Variants in LRP1B observed in about 807,000 individuals in gnomAD.
LRP1B encodes LDL receptor related protein 1B.
In LRP1B, 217 loss-of-function variants were observed where a neutral mutation model predicts 556.6. The ratio of observed to expected loss-of-function variants is 0.39; its 90% CI spans 0.35 to 0.44. The LOEUF (loss-of-function observed/expected upper bound fraction) is 0.44. Ranked by LOEUF, LRP1B falls within the 20% of genes least tolerant of loss-of-function variation. The pLI is 1.00. For synonymous variants in LRP1B, 2,047 were observed against 1,865.8 expected, an observed-to-expected ratio of 1.10 and a Z score of -2.50; for missense variants, 5,053 against 5,620.8, an observed-to-expected ratio of 0.90 and a Z score of 3.23.
intron 11 of LRP1B, among the ~76,000 whole-genome samples, chr2:141,047,081 AT>A (rs1223501125): frequency 3.3e-5 from 5 of 150,700 alleles, no homozygotes; most frequent in Non-Finnish European, 5.9e-5. Flanking sequence ...AATAATAATA[AT>A]AATAAATGCA....
intron 20 of LRP1B, among the ~76,000 whole-genome samples, chr2:140,942,916 G>C (rs987475269): frequency 6.6e-6 from 1 of 151,996 alleles, no homozygotes; most frequent in Admixed American, 6.6e-5. Flanking sequence ...ATGATAGAAC[G>C]AAAATCTCTT....
chr2:141,055,402 CG>C, intron 9 of LRP1B, 143 bp from the exon 10 acceptor site: 1 of 711,454 alleles, frequency 1.4e-6, no homozygotes, highest in East Asian at 2.9e-5. Context: ...GCACCATAAT[CG>C]AATGCAAAAG....
intron 2 of LRP1B, among the ~76,000 whole-genome samples, chr2:141,565,379 C>G (rs1198586822): frequency 6.6e-6 from 1 of 152,098 alleles, no homozygotes; most frequent in Non-Finnish European, 1.5e-5. Context: ...GTCCTTTCAT[C>G]TGAAGCCTAA....
intron 3 of LRP1B, 63 bp downstream of exon 3, chr2:141,480,333 T>C (rs774326825): frequency 3.8e-6 from 6 of 1,576,614 alleles, no homozygotes; most frequent in Non-Finnish European, 4.3e-6. Flanking sequence ...TAGGTTTTCT[T>C]TGAACTTTCA....
intron 1 of LRP1B, among the ~76,000 whole-genome samples, chr2:141,900,787 A>G (rs1025391555): frequency 6.6e-6 from 1 of 152,070 alleles, no homozygotes. Context: ...AATTGCATTA[A>G]CGTGTACATT....
chr2:141,033,325 G>A (rs763484124), intron 11 of LRP1B, among the ~76,000 whole-genome samples: 4 of 151,936 alleles, frequency 2.6e-5, no homozygotes, highest in East Asian at 1.9e-4. Context: ...CGTGGTGAGC[G>A]CTAAGAACTT....
chr2:140,302,228 T>C (rs1683862647), intron 83 of LRP1B, among the ~76,000 whole-genome samples: 1 of 152,164 alleles, frequency 6.6e-6, no homozygotes, highest in Admixed American at 6.6e-5. Context: ...AATATTTATC[T>C]TTCTGTCTAA....
intron 11 of LRP1B, among the ~76,000 whole-genome samples, chr2:141,034,906 A>C (rs1698485842): frequency 6.6e-6 from 1 of 152,016 alleles, no homozygotes; most frequent in Admixed American, 6.6e-5. Flanking sequence ...ACACATGCAC[A>C]TGTATGTTTA....
intron 1 of LRP1B, among the ~76,000 whole-genome samples, chr2:141,845,542 TA>T: frequency 6.6e-6 from 1 of 151,878 alleles, no homozygotes; most frequent in Non-Finnish European, 1.5e-5. Flanking sequence ...GACAGAAGTT[TA>T]GGGGGACTGC....
intron 3 of LRP1B, among the ~76,000 whole-genome samples, chr2:141,360,202 T>C (rs949565285): frequency 2.0e-5 from 3 of 152,198 alleles, no homozygotes; most frequent in African/African-American, 7.2e-5. Flanking sequence ...TCATCTCTGA[T>C]GTGGAAAAGC....
intron 2 of LRP1B, among the ~76,000 whole-genome samples, chr2:141,789,231 G>A (rs903334355): frequency 4.6e-5 from 7 of 151,712 alleles, no homozygotes; most frequent in African/African-American, 1.7e-4. Flanking sequence ...ATAGGAGGGG[G>A]GTGTCCAGTT....
At chr2:141,424,254 C>T (rs1680267000) in intron 3 of LRP1B, among the ~76,000 whole-genome samples, 1 of 151,996 alleles carries the variant, frequency 6.6e-6, no homozygotes, top group African/African-American at 2.4e-5. Flanking sequence ...GCTGGGATTA[C>T]AGGCATGCGC....
At chr2:140,561,842 A>C (rs1680942879) in intron 43 of LRP1B, among the ~76,000 whole-genome samples, 1 of 152,128 alleles carries the variant, frequency 6.6e-6, no homozygotes, top group Admixed American at 6.6e-5. Flanking sequence ...TAAATATTTT[A>C]AGCAAAATAT....
chr2:140,916,078 T>C (rs1252429354), intron 21 of LRP1B, among the ~76,000 whole-genome samples: 1 of 151,898 alleles, frequency 6.6e-6, no homozygotes, highest in African/African-American at 2.4e-5. Flanking sequence ...AGGAAAAATA[T>C]AGGAGGCTCA....
intron 71 of LRP1B, 141 bp from the exon 72 acceptor site, chr2:140,364,924 C>T: frequency 1.6e-6 from 1 of 607,340 alleles, no homozygotes; most frequent in Non-Finnish European, 2.7e-6. Flanking sequence ...AAGCATAATA[C>T]CAGGAACAAG....
Position 140,487,737 on chromosome 2 carries a change from T to A in LRP1B, c.9123A>T (p.Gly3041=), listed in dbSNP as rs995038462. ...DGSNYTLLKQ[G]LNNVIAIDFD... The stretch of plus-strand genomic sequence containing the variant: ...AGTCTATAGCAATAACATTGTTTAA[T>A]CCCTGAAAATAAAAAAGACTATGTT... Residue 3041 remains glycine (G), a splice_region_variant and synonymous_variant, in exon 58 of 91, where the codon GGA becomes GGT. Transcript: ENST00000389484. 4 of 1,518,332 alleles carry A rather than the reference T, an allele frequency of 2.6e-6. No homozygotes were observed. The highest frequency in any genetic ancestry group is 2.0e-5 in the Admixed American group (1 of 50,304). The allele number at this position is 1,518,332 out of a possible 1,614,324, so 94.1% of individuals were successfully genotyped here. A position where few individuals can be genotyped will look rare whatever the true frequency, so the allele number is the denominator to read the frequency against.
chr2:141,225,168 T>G (rs1226556445), intron 6 of LRP1B, among the ~76,000 whole-genome samples: 2 of 152,150 alleles, frequency 1.3e-5, no homozygotes, highest in African/African-American at 4.8e-5. Context: ...TAAGCAGTTA[T>G]TTTATTTTTA....
Position 141,822,438 on chromosome 2 carries a change from A to C in LRP1B, c.83-12037T>G, listed in dbSNP as rs148001300. Among the ~76,000 whole-genome samples, 341 of 152,250 alleles carry C rather than the reference A, an allele frequency of 2.2e-3. 2 individuals carry two copies. Among genetic ancestry groups the C allele is most frequent in the African/African-American group, 7.8e-3 (325 of 41,532 alleles). On this transcript the variant is annotated intron_variant, in intron 1 of 90. Coordinates refer to ENST00000389484, the MANE Select transcript of LRP1B (RefSeq NM_018557.3). ...GACATCTCCCTCGTAAATGCAAAAGAAAAAGCCTAAATTATTGACACTTCC... is the reference window on the plus strand; with the variant it reads ...GACATCTCCCTCGTAAATGCAAAAGCAAAAGCCTAAATTATTGACACTTCC...
intron 2 of LRP1B, among the ~76,000 whole-genome samples, chr2:141,533,974 C>T (rs1684980540): frequency 1.3e-5 from 2 of 151,994 alleles, no homozygotes; most frequent in Admixed American, 1.3e-4. Flanking sequence ...GTTATAGAAA[C>T]AAACAATGTT....
Sources: gnomAD v4.1 joint callset for allele counts (sites outside exome capture counted in the v4.1 genomes callset) on GRCh38, gnomAD v4.1.1 for gene constraint, MANE v1.5 for transcripts, NCBI Gene and HGNC (gene_info 2026-07-23, HGNC 2026-07-21) for gene names.